ARHGAP6: variants seen among roughly 807,000 people sequenced by gnomAD.
ARHGAP6 encodes rho GTPase-activating protein 6.
In ARHGAP6, 16 loss-of-function variants were observed where a neutral mutation model predicts 55.7. That is an observed-to-expected ratio of 0.29 (90% CI 0.19 to 0.44). The LOEUF is 0.44. ARHGAP6 is among the 20% of genes least tolerant of loss of function. The pLI is 1.00. For synonymous variants in ARHGAP6, 382 were observed against 360.9 expected (o/e 1.06, Z -0.66); for missense variants, 698 against 808.9 (o/e 0.86, Z 1.66).
intron 1 of ARHGAP6, chrX:11,298,673 T>C: frequency 1.7e-6 from 2 of 1,210,466 alleles, no homozygotes; most frequent in Non-Finnish European, 2.2e-6. Context: ...TGGTGCCAGC[T>C]CAGCAGCCCG....
intron 1 of ARHGAP6, among the ~76,000 whole-genome samples, chrX:11,346,031 G>A (rs961978536): frequency 1.8e-5 from 2 of 109,973 alleles, no homozygotes; most frequent in African/African-American, 6.7e-5. Flanking sequence ...AACTCCTGGG[G>A]CACAAGTGAT....
chrX:11,327,367 T>A (rs2048511341), intron 1 of ARHGAP6, among the ~76,000 whole-genome samples: 1 of 112,818 alleles, frequency 8.9e-6, no homozygotes, highest in Non-Finnish European at 1.9e-5. Context: ...CAAAACATAT[T>A]CGTCATTCAC....
intron 1 of ARHGAP6, among the ~76,000 whole-genome samples, chrX:11,586,566 T>A (rs759914179): frequency 8.9e-6 from 1 of 112,146 alleles, no homozygotes; most frequent in South Asian, 3.7e-4. Flanking sequence ...GCTGTTTTGG[T>A]TACTGTAGCC....
Position 11,342,518 on chromosome X carries a change from T to C in ARHGAP6, c.589-87811A>G, listed in dbSNP as rs186852883. On this transcript the variant is annotated intron_variant, in intron 1 of 12. Transcript: ENST00000337414. ...TATAGAAATACATGGACCTCTCATA[T>C]AGCTATTTAAGTAAATTCAATGAAA... Among the ~76,000 whole-genome samples, 581 of 112,034 alleles carry C rather than the reference T, an allele frequency of 5.2e-3. 2 individuals carry two copies. Among genetic ancestry groups the C allele is most frequent in the Non-Finnish European group, 7.6e-3 (406 of 53,197 alleles).
chrX:11,579,640 G>T (rs2051642442), intron 1 of ARHGAP6, among the ~76,000 whole-genome samples: 1 of 111,958 alleles, frequency 8.9e-6, no homozygotes, highest in Non-Finnish European at 1.9e-5. Flanking sequence ...GAGCCCTTTA[G>T]CCTGCCTAAC....
At position 11,600,778 on chromosome X, in the gene ARHGAP6, T is replaced by C. The variant is rs1181392242; in HGVS notation, c.588+63463A>G. On this transcript the variant is annotated intron_variant, in intron 1 of 12. Transcript: ENST00000337414. ...GTGTATGGAGTTTATTTTGCTGATGTTCCCAGGAAACACCAGTAGGGGAGT... is the reference window on the plus strand; with the variant it reads ...GTGTATGGAGTTTATTTTGCTGATGCTCCCAGGAAACACCAGTAGGGGAGT... 2.7e-5 allele frequency among the ~76,000 whole-genome samples: 3 copies of C among 112,040 alleles called. No homozygotes were observed. The East Asian group carries it at 8.4e-4, about 31-fold the overall frequency.
chrX:11,263,281 T>C (rs753154219), intron 1 of ARHGAP6, among the ~76,000 whole-genome samples: 1 of 111,334 alleles, frequency 9.0e-6, no homozygotes, highest in Non-Finnish European at 1.9e-5. Flanking sequence ...GGTTCCCTGT[T>C]GCCTTCCATC....
rs918234282 is a variant in ARHGAP6 at position 11,665,654 on chromosome X, G to A, written c.-826C>T. 2 of 113,104 alleles carry A rather than the reference G, an allele frequency of 1.8e-5. No homozygotes were observed. The highest frequency in any genetic ancestry group is 1.8e-4 in the Admixed American group (2 of 10,841). The allele number at this position is 113,104 out of a possible 1,213,427, so 9.3% of individuals were successfully genotyped here. A position where few individuals can be genotyped will look rare whatever the true frequency, so the allele number is the denominator to read the frequency against. On this transcript the variant is annotated 5_prime_UTR_variant, in exon 1 of 13. Coordinates refer to ENST00000337414, the MANE Select transcript of ARHGAP6 (RefSeq NM_013427.3). Reference sequence around the variant, plus strand: ...GAGCTCAGGAGACAGCCCCAAGGCCGGGTGTGTGTGTTCCGCCGGAGAGGA... The same window carrying A: ...GAGCTCAGGAGACAGCCCCAAGGCCAGGTGTGTGTGTTCCGCCGGAGAGGA...
rs1360378443 is a variant in ARHGAP6, at chrX:11,665,619, G to A, written c.-791C>T. The A allele has an allele frequency of 8.8e-6, 1 of 113,433 alleles. No individual in the cohort carries two copies. The allele number at this position is 113,433 out of a possible 1,213,427, so 9.3% of individuals were successfully genotyped here. On this transcript the variant is annotated 5_prime_UTR_variant, in exon 1 of 13. It adds an upstream start codon to the 5' untranslated region. Transcript: ENST00000337414. ...TTCCCGGCGGCGCTCAGCGCTCTCC[G>A]TGGAGGAGGGAGCTCAGGAGACAGC...
At chrX:11,578,601 C>T (rs1220783850) in intron 1 of ARHGAP6, among the ~76,000 whole-genome samples, 4 of 112,013 alleles carry the variant, frequency 3.6e-5, no homozygotes. Context: ...ACCAGTTCAA[C>T]CATTGTGGAA....
intron 1 of ARHGAP6, among the ~76,000 whole-genome samples, chrX:11,496,115 G>A (rs1487864792): frequency 8.9e-6 from 1 of 112,438 alleles, no homozygotes; most frequent in Non-Finnish European, 1.9e-5. Flanking sequence ...CTGAAGCAAA[G>A]AAATCAGCTA....
intron 1 of ARHGAP6, among the ~76,000 whole-genome samples, chrX:11,354,295 T>TTCTCTCTCTCTCTC (rs1206233633): frequency 7.3e-5 from 3 of 41,045 alleles, no homozygotes; most frequent in African/African-American, 2.0e-4. Context: ...CTCTCTCTCT[T>TTCTCTCTCTCTCTC]TCTCTCTCTC....
intron 1 of ARHGAP6, among the ~76,000 whole-genome samples, chrX:11,605,260 TA>T (rs2052021231): frequency 1.8e-5 from 2 of 111,211 alleles, no homozygotes; most frequent in Non-Finnish European, 3.8e-5. Flanking sequence ...AAGCTTCAGG[TA>T]AAAATGACGA....
At chrX:11,563,164 AAT>A (rs1218226153) in intron 1 of ARHGAP6, among the ~76,000 whole-genome samples, 3 of 112,135 alleles carry the variant, frequency 2.7e-5, no homozygotes, top group African/African-American at 9.7e-5. Flanking sequence ...AGAAATGAAA[AAT>A]ATGTTTTTAT....
intron 1 of ARHGAP6, among the ~76,000 whole-genome samples, chrX:11,471,129 G>T (rs2050342769): frequency 9.0e-6 from 1 of 111,718 alleles, no homozygotes; most frequent in Non-Finnish European, 1.9e-5. Context: ...TGGGTACAGG[G>T]TATACAGGAA....
At chrX:11,497,855 T>G (rs1269671465) in intron 1 of ARHGAP6, among the ~76,000 whole-genome samples, 1 of 110,512 alleles carries the variant, frequency 9.0e-6, no homozygotes, top group African/African-American at 3.3e-5. Flanking sequence ...CCTTCCTTTT[T>G]TCACTTTAAC....
chrX:11,388,228 T>A (rs1466142619), intron 1 of ARHGAP6, among the ~76,000 whole-genome samples: 2 of 112,012 alleles, frequency 1.8e-5, no homozygotes, highest in Non-Finnish European at 3.8e-5. Flanking sequence ...GTTTCCTGAC[T>A]TTTTAATGAT....
In ARHGAP6 at chrX:11,224,329, A is replaced by G. The variant is rs1026237753; in HGVS notation, c.749-27333T>C. Reference sequence around the variant, plus strand: ...AAGATGAAGAAGAGAGAAGAAGGAGAAGAACTAATTGTTGGTATCAGGCTT... The same window carrying G: ...AAGATGAAGAAGAGAGAAGAAGGAGGAGAACTAATTGTTGGTATCAGGCTT... On this transcript the variant is annotated intron_variant, in intron 2 of 12. Transcript: ENST00000337414. 8.6e-6 allele frequency: 4 copies of G among 465,177 alleles called. No homozygotes were observed. In the African/African-American group the frequency reaches 1.0e-4, roughly 12 times the overall value. 38.3% of individuals were successfully genotyped at this position (465,177 alleles called of 1,213,427 possible). A position where few individuals can be genotyped will look rare whatever the true frequency, so the allele number is the denominator to read the frequency against.
chrX:11,301,218 CATA>C (rs2048171643), intron 1 of ARHGAP6, among the ~76,000 whole-genome samples: 1 of 111,756 alleles, frequency 8.9e-6, no homozygotes, highest in Non-Finnish European at 1.9e-5. Context: ...ATGTGATATG[CATA>C]ATAATGTACT....
Sources: gnomAD v4.1 joint callset for allele counts (sites outside exome capture counted in the v4.1 genomes callset) on GRCh38, gnomAD v4.1.1 for gene constraint, MANE v1.5 for transcripts, NCBI Gene and HGNC (gene_info 2026-07-23, HGNC 2026-07-21) for gene names.